The following PCGF2 variants were observed in gnomAD, a reference collection of about 807,000 sequenced individuals.
The protein encoded by PCGF2 is polycomb group RING finger protein 2.
PCGF2 carries 8 observed loss-of-function variants against 36.1 expected under a neutral mutation model. That is an observed-to-expected ratio of 0.22 (90% CI 0.13 to 0.40). The LOEUF is 0.40. PCGF2 is among the 10% of genes least tolerant of loss of function. PCGF2 has a pLI of 1.00. For missense variants in PCGF2, 436 were observed against 475.9 expected, an observed-to-expected ratio of 0.92 and a Z score of 0.78; for synonymous variants, 198 against 191.2, an observed-to-expected ratio of 1.04 and a Z score of -0.29.
chr17:38,739,554 C>G lies in PCGF2; in HGVS notation c.209+32G>C. ...GATGGGGGAGGCTGACCCAGAGGAT[C>G]GCGGGGACAGGAGGTGCCGTGCCAA... On this transcript the variant is annotated intron_variant, in intron 4 of 10. Transcript: ENST00000620225. This position sits in a 1 kb window ranked among gnomAD's most constrained non-coding sequence, Gnocchi z 4.0. The G allele has an allele frequency of 6.6e-7, 1 of 1,515,844 alleles. No homozygotes were observed. The highest frequency in any genetic ancestry group is 1.4e-5 in the African/African-American group (1 of 73,012). The allele number at this position is 1,515,844 out of a possible 1,614,324, so 93.9% of individuals were successfully genotyped here. A position where few individuals can be genotyped will look rare whatever the true frequency, so the allele number is the denominator to read the frequency against.
At position 38,735,328 on chromosome 17, in the gene PCGF2, G is replaced by A. The variant is rs1158127094; in HGVS notation, c.930C>T (p.Thr310=). ...PTPPSTASGA[T]TAANGGSLNC... ...TCAAGCTACCCCCGTTGGCAGCTGTGGTGGCCCCACTGGCTGTCGAAGGGG... is the reference window on the plus strand; with the variant it reads ...TCAAGCTACCCCCGTTGGCAGCTGTAGTGGCCCCACTGGCTGTCGAAGGGG... Residue 310 remains threonine, a synonymous_variant, in exon 11 of 11, where the codon ACC becomes ACT. Transcript: ENST00000620225. 3.2e-6 allele frequency: 5 copies of A among 1,548,632 alleles called. No individual in the cohort carries two copies. Among genetic ancestry groups the A allele is most frequent in the Non-Finnish European group, 2.6e-6 (3 of 1,142,434 alleles).
At chr17:38,748,556 G>A (rs1413187578), upstream of PCGF2, among the ~76,000 whole-genome samples, 1 of 152,162 alleles carries the variant, frequency 6.6e-6, no homozygotes, top group African/African-American at 2.4e-5. Context: ...CGGGTCCCTA[G>A]CCAGGACGAG....
At position 38,734,990 on chromosome 17, in the gene PCGF2, A is replaced by T. The variant is rs1306647349; in HGVS notation, c.*233T>A. On this transcript the variant is annotated 3_prime_UTR_variant, in exon 11 of 11. Coordinates refer to ENST00000620225, the MANE Select transcript of PCGF2 (RefSeq NM_007144.3). ...AACACCATTTTCCACACATACACAC[A>T]CACATAAAGTTTGTTTCCTGTGGCA... is the stretch of plus-strand genomic sequence containing the variant. 2.7e-6 allele frequency: 1 copy of T among 365,176 alleles called. No homozygotes were observed. Among genetic ancestry groups the T allele is most frequent in the Non-Finnish European group, 4.9e-6 (1 of 205,910 alleles). 22.6% of individuals were successfully genotyped at this position (365,176 alleles called of 1,614,324 possible).
In PCGF2 at chr17:38,738,806, A is replaced by G; in HGVS notation, c.372T>C (p.Ala124=). 6.2e-7 allele frequency: 1 copy of G among 1,614,042 alleles called. No homozygotes were observed. The highest frequency in any genetic ancestry group is 8.5e-7 in the Non-Finnish European group (1 of 1,179,966). ...GGCTGACAATCTCATCATCACTCAG[A>G]GCCCCCTTCTCCTGCTCCAAGACCT... ...RGEVLEQEKG[A]LSDDEIVSLS... Residue 124 remains alanine, a synonymous_variant, in exon 7 of 11, where the codon GCT becomes GCC. Transcript: ENST00000620225.
chr17:38,741,372 C>T (rs1256422392), intron 2 of PCGF2, among the ~76,000 whole-genome samples: 1 of 152,178 alleles, frequency 6.6e-6, no homozygotes, highest in Non-Finnish European at 1.5e-5. Context: ...TTAGATAAAG[C>T]AGCCACTGGC....
rs977965137 is a variant in PCGF2 at position 38,734,983 on chromosome 17, TACAC to T, written c.*236_*239del. On this transcript the variant is annotated 3_prime_UTR_variant, in exon 11 of 11. Transcript: ENST00000620225. ...AAAAATGAACACCATTTTCCACACA[TACAC>T]ACACACATAAAGTTTGTTTCCTGTG... 5.7e-4 allele frequency: 199 copies of T among 351,396 alleles called. 1 individual carries two copies. The highest frequency in any genetic ancestry group is 3.9e-3 in the African/African-American group (187 of 47,396). 21.8% of individuals were successfully genotyped at this position (351,396 alleles called of 1,614,324 possible). A position where few individuals can be genotyped will look rare whatever the true frequency, so the allele number is the denominator to read the frequency against.
intron 2 of PCGF2, among the ~76,000 whole-genome samples, chr17:38,745,451 G>T (rs1774349626): frequency 6.6e-6 from 1 of 152,256 alleles, no homozygotes; most frequent in Admixed American, 6.5e-5. Flanking sequence ...GTTGCAGTGA[G>T]TGGAGATCGT....
Position 38,735,213 on chromosome 17 carries a change from G to A in PCGF2, c.*10C>T. 7.1e-7 allele frequency: 1 copy of A among 1,408,604 alleles called. No individual in the cohort carries two copies. The highest frequency in any genetic ancestry group is 2.6e-5 in the East Asian group (1 of 38,234). The allele number at this position is 1,408,604 out of a possible 1,614,324, so 87.3% of individuals were successfully genotyped here. ...AGGCTTGGCTGGAAGAAGGGAGAGGGTCCCTGGCCTCAAGTTAAGGGGGGC... is the reference window on the plus strand; with the variant it reads ...AGGCTTGGCTGGAAGAAGGGAGAGGATCCCTGGCCTCAAGTTAAGGGGGGC... On this transcript the variant is annotated 3_prime_UTR_variant, in exon 11 of 11. Coordinates refer to ENST00000620225, the MANE Select transcript of PCGF2 (RefSeq NM_007144.3).
chr17:38,737,047 C>T (rs1274022898), intron 9 of PCGF2, among the ~76,000 whole-genome samples: 1 of 151,994 alleles, frequency 6.6e-6, no homozygotes, highest in East Asian at 1.9e-4. Context: ...GGGAGAATCG[C>T]TTGAGCCCGG....
At chr17:38,737,354 T>C (rs796510913) in intron 9 of PCGF2, among the ~76,000 whole-genome samples, 22 of 151,376 alleles carry the variant, frequency 1.5e-4, no homozygotes, top group African/African-American at 5.1e-4. Context: ...TCCCAGCTAC[T>C]TGGGAGGCTG....
intron 9 of PCGF2, 93 bp from the exon 10 acceptor site, chr17:38,736,263 G>T (rs1422798411): frequency 1.3e-6 from 1 of 760,468 alleles, no homozygotes; most frequent in Non-Finnish European, 2.3e-6. Context: ...CAATGGGAAG[G>T]GTGGATTTAC....
At position 38,735,324 on chromosome 17, in the gene PCGF2, C is replaced by A; in HGVS notation, c.934G>T (p.Ala312Ser). 6.5e-7 allele frequency: 1 copy of A among 1,542,334 alleles called. No homozygotes were observed. The highest frequency in any genetic ancestry group is 8.8e-7 in the Non-Finnish European group (1 of 1,138,514). Reference protein sequence around the residue: ...PPSTASGATTAANGGSLNCLQ... With the variant: ...PPSTASGATTSANGGSLNCLQ... ...CAGTTCAAGCTACCCCCGTTGGCAG[C>A]TGTGGTGGCCCCACTGGCTGTCGAA... is the stretch of plus-strand genomic sequence containing the variant. Residue 312 changes from alanine to serine, a missense_variant, in exon 11 of 11, where the codon GCT (alanine) becomes TCT (serine). Ala to Ser is a moderately conservative substitution (Grantham distance 99). Coordinates refer to ENST00000620225, the MANE Select transcript of PCGF2 (RefSeq NM_007144.3).
At chr17:38,743,024 C>T (rs7359622) in intron 2 of PCGF2, among the ~76,000 whole-genome samples, 5,211 of 152,134 alleles carry the variant, frequency 0.034, 286 homozygotes, top group African/African-American at 0.12. Context: ...ATGTAGGCTC[C>T]GCACACTTCA....
chr17:38,747,619 C>G (rs1907621691), intron 2 of PCGF2, among the ~76,000 whole-genome samples: 1 of 151,978 alleles, frequency 6.6e-6, no homozygotes, highest in Non-Finnish European at 1.5e-5. Flanking sequence ...GGGAGGTGCC[C>G]GAGAGGACCC....
intron 2 of PCGF2, among the ~76,000 whole-genome samples, chr17:38,743,655 G>T (rs1259274610): frequency 2.6e-5 from 4 of 152,118 alleles, no homozygotes; most frequent in Non-Finnish European, 5.9e-5. Flanking sequence ...TGGGGCTGGG[G>T]GTGGGGAGAA....
At chr17:38,736,971 A>G (rs1029854630) in intron 9 of PCGF2, among the ~76,000 whole-genome samples, 26 of 151,838 alleles carry the variant, frequency 1.7e-4, no homozygotes, top group African/African-American at 6.3e-4. Flanking sequence ...CGTCTCTACT[A>G]AAAAAACAGA....
intron 9 of PCGF2, 98 bp downstream of exon 9, chr17:38,738,255 G>A: frequency 9.8e-7 from 1 of 1,018,854 alleles, no homozygotes; most frequent in Non-Finnish European, 1.5e-6. Flanking sequence ...GCAAGCCCTG[G>A]GTGACACCTA....
At position 38,736,703 on chromosome 17, in the gene PCGF2, G is replaced by A. The variant is rs560003848; in HGVS notation, c.577-533C>T. 1.7e-3 allele frequency among the ~76,000 whole-genome samples: 253 copies of A among 152,198 alleles called. 1 individual carries two copies. The highest frequency in any genetic ancestry group is 2.9e-3 in the Non-Finnish European group (194 of 68,004). ...CAAAAAATTAGCTGGGCGTGGTGGCGGGTGTCTGTAGTCCCAGCTACTCGG... is the reference window on the plus strand; with the variant it reads ...CAAAAAATTAGCTGGGCGTGGTGGCAGGTGTCTGTAGTCCCAGCTACTCGG... On this transcript the variant is annotated intron_variant, in intron 9 of 10. Coordinates refer to ENST00000620225, the MANE Select transcript of PCGF2 (RefSeq NM_007144.3).
At chr17:38,746,914 G>T (rs1367772791) in intron 2 of PCGF2, among the ~76,000 whole-genome samples, 2 of 152,222 alleles carry the variant, frequency 1.3e-5, no homozygotes, top group African/African-American at 2.4e-5. Flanking sequence ...AGAGTGAAGG[G>T]GGGAGGGAGG....
Sources: allele counts gnomAD v4.1 joint callset (sites outside exome capture counted in the v4.1 genomes callset), GRCh38; gene constraint gnomAD v4.1.1; non-coding constraint Gnocchi (gnomAD v3.1); transcripts MANE v1.5; gene names NCBI Gene and HGNC (gene_info 2026-07-23, HGNC 2026-07-21).